The following CBFB variants were observed in gnomAD, a reference collection of about 807,000 sequenced individuals.
The protein encoded by CBFB is core-binding factor subunit beta, also known as CBF-beta.
A neutral mutation model predicts 30.4 loss-of-function variants in CBFB; 9 were observed. The ratio of observed to expected loss-of-function variants is 0.30; its 90% CI spans 0.18 to 0.52. CBFB has a LOEUF of 0.52. Ranked by LOEUF, CBFB falls within the 20% of genes least tolerant of loss-of-function variation. The pLI, the probability that CBFB is intolerant of heterozygous loss-of-function variation, is 0.97. For synonymous variants in CBFB, 94 were observed against 84.0 expected (o/e 1.12, Z -0.65); for missense variants, 170 against 244.0 (o/e 0.70, Z 2.02).
At chr16:67,091,800 A>T (rs936898370) in intron 5 of CBFB, among the ~76,000 whole-genome samples, 3 of 152,254 alleles carry the variant, frequency 2.0e-5, no homozygotes, top group African/African-American at 7.2e-5. Flanking sequence ...TTACATAGGT[A>T]TACCTGTGCC....
At chr16:67,067,937 A>G (rs1278751885) in intron 4 of CBFB, among the ~76,000 whole-genome samples, 3 of 152,320 alleles carry the variant, frequency 2.0e-5, no homozygotes, top group Admixed American at 1.3e-4. Context: ...AGCTGTGTGC[A>G]TGTACAAGGC....
chr16:67,078,701 T>C lies in CBFB; in HGVS notation c.400-3512T>C, dbSNP rs543191509. Among the ~76,000 whole-genome samples the C allele has an allele frequency of 9.6e-4, 146 of 152,278 alleles. 3 individuals carry two copies. The South Asian group carries it at 0.03, about 31-fold the overall frequency. On this transcript the variant is annotated intron_variant, in intron 4 of 5. Coordinates refer to ENST00000412916, the MANE Select transcript of CBFB (RefSeq NM_022845.3). Reference sequence around the variant, plus strand: ...TTCGCTCTTGTTGCCCAGGCTGGAGTGCAATGGTGTGATCTTGGCTCACCG... The same window carrying C: ...TTCGCTCTTGTTGCCCAGGCTGGAGCGCAATGGTGTGATCTTGGCTCACCG...
At chr16:67,042,342 GA>G (rs907212737) in intron 3 of CBFB, among the ~76,000 whole-genome samples, 1 of 151,878 alleles carries the variant, frequency 6.6e-6, no homozygotes, top group Non-Finnish European at 1.5e-5. Context: ...TTTTTGAAGA[GA>G]AAAAAATTTT....
At chr16:67,077,302 A>G (rs546303164) in intron 4 of CBFB, among the ~76,000 whole-genome samples, 171 of 152,262 alleles carry the variant, frequency 1.1e-3, no homozygotes, top group African/African-American at 3.7e-3. Context: ...GAATTGATGC[A>G]TTTTCTGTTT....
chr16:67,082,239 C>T lies in CBFB; in HGVS notation c.426C>T (p.Ala142=). 3 of 1,608,656 alleles carry T rather than the reference C, an allele frequency of 1.9e-6. No individual in the cohort carries two copies. The highest frequency in any genetic ancestry group is 2.6e-6 in the Non-Finnish European group (3 of 1,176,106). ...AQQEDALAQQ[A]FEEARRRTRE... ...AGGAGGATGCATTAGCACAACAGGCCTTTGAAGAGGCTCGGAGAAGGACAC... is the reference window on the plus strand; with the variant it reads ...AGGAGGATGCATTAGCACAACAGGCTTTTGAAGAGGCTCGGAGAAGGACAC... Residue 142 remains alanine, a synonymous_variant, in exon 5 of 6, where the codon GCC becomes GCT. Coordinates refer to ENST00000412916, the MANE Select transcript of CBFB (RefSeq NM_022845.3).
chr16:67,041,108 T>C (rs1361466046), intron 3 of CBFB, among the ~76,000 whole-genome samples: 1 of 152,152 alleles, frequency 6.6e-6, no homozygotes, highest in East Asian at 1.9e-4. Context: ...TTTGAGTGTT[T>C]AGTTTGCTTA....
At chr16:67,031,100 A>C (rs996520441) in intron 2 of CBFB, among the ~76,000 whole-genome samples, 3 of 152,238 alleles carry the variant, frequency 2.0e-5, no homozygotes, top group African/African-American at 7.2e-5. Flanking sequence ...TATGTCATAA[A>C]ATTCTCCCTT....
rs1187979446 is a variant in CBFB at position 67,066,691 on chromosome 16, A to G, written c.292A>G (p.Lys98Glu). The G allele has an allele frequency of 6.3e-7, 1 of 1,585,656 alleles. No homozygotes were observed. Among genetic ancestry groups the G allele is most frequent in the Non-Finnish European group, 8.6e-7 (1 of 1,156,780 alleles). The stretch of plus-strand genomic sequence containing the variant: ...CTTTTCTGTGTCTTAGGTATATTTG[A>G]AGGCTCCCATGATTCTGAATGGAGT... The part of the protein sequence containing the change: ...LEREAGKVYL[K>E]APMILNGVCV... Residue 98 changes from lysine (K) to glutamate (E), a missense_variant, in exon 4 of 6, where the codon AAG becomes GAG. By Grantham distance (56) the Lys-to-Glu change is moderately conservative. Coordinates refer to ENST00000412916, the MANE Select transcript of CBFB (RefSeq NM_022845.3).
intron 3 of CBFB, among the ~76,000 whole-genome samples, chr16:67,053,145 A>G (rs964600004): frequency 1.3e-5 from 2 of 151,396 alleles, no homozygotes. Context: ...TTTCCTGTGC[A>G]TATATCTCTA....
At chr16:67,090,508 A>G (rs2145781096) in intron 5 of CBFB, among the ~76,000 whole-genome samples, 1 of 152,324 alleles carries the variant, frequency 6.6e-6, no homozygotes, top group African/African-American at 2.4e-5. Flanking sequence ...ATGGAGGTTA[A>G]TAAAGGACAG....
intron 3 of CBFB, among the ~76,000 whole-genome samples, chr16:67,051,963 A>G (rs1359056651): frequency 6.6e-6 from 1 of 151,690 alleles, no homozygotes; most frequent in African/African-American, 2.4e-5. Flanking sequence ...ATATATAGCA[A>G]TAGGAATATA....
chr16:67,037,986 T>C (rs1966469887), intron 3 of CBFB, among the ~76,000 whole-genome samples: 1 of 152,024 alleles, frequency 6.6e-6, no homozygotes, highest in Admixed American at 6.6e-5. Context: ...TTTTAATGAA[T>C]AGCATCTTGG....
At chr16:67,041,831 G>A (rs1469046532) in intron 3 of CBFB, among the ~76,000 whole-genome samples, 2 of 145,308 alleles carry the variant, frequency 1.4e-5, no homozygotes, top group Non-Finnish European at 3.0e-5. Flanking sequence ...CTGGAGTGCA[G>A]TGGTGCAATC....
intron 4 of CBFB, among the ~76,000 whole-genome samples, chr16:67,068,740 GA>G (rs1961130995): frequency 6.6e-6 from 1 of 152,160 alleles, no homozygotes; most frequent in African/African-American, 2.4e-5. Flanking sequence ...AACTGTCTTT[GA>G]GGGGGCCCAA....
chr16:67,029,600 G>A, intron 1 of CBFB, 115 bp downstream of exon 1: 3 of 1,317,622 alleles, frequency 2.3e-6, no homozygotes, highest in East Asian at 2.9e-5. Context: ...CCCGCGGAGG[G>A]GCAATCTCGC....
chr16:67,072,950 C>T (rs1046358612), intron 4 of CBFB, among the ~76,000 whole-genome samples: 1 of 151,946 alleles, frequency 6.6e-6, no homozygotes, highest in African/African-American at 2.4e-5. Context: ...TGGCTTCAAA[C>T]GATCCTCCTG....
intron 4 of CBFB, among the ~76,000 whole-genome samples, chr16:67,072,463 C>CT (rs1052469828): frequency 2.4e-4 from 36 of 149,930 alleles, no homozygotes; most frequent in East Asian, 1.8e-3. Context: ...TCTTGTTTTT[C>CT]TTTTTTTTTC....
chr16:67,072,809 T>A (rs988029095), intron 4 of CBFB, among the ~76,000 whole-genome samples: 1 of 151,854 alleles, frequency 6.6e-6, no homozygotes, highest in Non-Finnish European at 1.5e-5. Context: ...CTTGCTCTGT[T>A]GCTCAGGCCA....
chr16:67,069,640 C>G (rs1961163280), intron 4 of CBFB, among the ~76,000 whole-genome samples: 1 of 152,140 alleles, frequency 6.6e-6, no homozygotes, highest in African/African-American at 2.4e-5. Context: ...TCAATGGACA[C>G]TAAGTAGGAT....
Sources: gnomAD v4.1 joint callset for allele counts (sites outside exome capture counted in the v4.1 genomes callset) on GRCh38, gnomAD v4.1.1 for gene constraint, MANE v1.5 for transcripts, NCBI Gene and HGNC (gene_info 2026-07-23, HGNC 2026-07-21) for gene names.